The following ITIH3 variants were observed in gnomAD, a reference collection of about 807,000 sequenced individuals.
ITIH3 encodes the protein inter-alpha-trypsin inhibitor heavy chain H3.
A neutral mutation model predicts 96.5 loss-of-function variants in ITIH3; 81 were observed. The observed-to-expected ratio is 0.84, with a 90% CI of 0.70 to 1.01. The LOEUF (loss-of-function observed/expected upper bound fraction) is 1.01, where lower values mean the gene tolerates loss of function less well. Ranked by LOEUF, ITIH3 falls within the 50% of genes least tolerant of loss-of-function variation. ITIH3 has a pLI of 0.00. For synonymous variants in ITIH3, 422 were observed against 445.2 expected, an observed-to-expected ratio of 0.95 and a Z score of 0.66; for missense variants, 1,057 against 1,139.3, an observed-to-expected ratio of 0.93 and a Z score of 1.04.
chr3:52,806,876 T>C (rs954419065), intron 18 of ITIH3, 25 bp from the exon 19 acceptor site: 36 of 1,556,230 alleles, frequency 2.3e-5, no homozygotes, highest in Non-Finnish European at 3.0e-5. Context: ...CGCTGGTCTC[T>C]CTCCCTGCCC....
At chr3:52,795,177 G>A (rs1699527036) in intron 1 of ITIH3, among the ~76,000 whole-genome samples, 2 of 152,222 alleles carry the variant, frequency 1.3e-5, no homozygotes, top group African/African-American at 4.8e-5. Flanking sequence ...GGCAATGAAG[G>A]TTCAAGTCTC....
chr3:52,804,195 G>A (rs1435885238), intron 14 of ITIH3, 186 bp downstream of exon 14: 3 of 620,460 alleles, frequency 4.8e-6, no homozygotes, highest in Non-Finnish European at 5.6e-6. Context: ...TGGACAGTGG[G>A]GTGTGGGGTG....
Position 52,800,548 on chromosome 3 carries a change from C to A in ITIH3, c.1086C>A (p.Ile362=). Residue 362 remains isoleucine (I), a synonymous_variant, in exon 10 of 22, where the codon ATC becomes ATA. Coordinates refer to ENST00000449956, the MANE Select transcript of ITIH3 (RefSeq NM_002217.4). ...KSMEDKGMTN[I]NDGLLRGISM... ...CTGTCTGTGTCCCAGTGACCAACAT[C>A]AATGACGGGCTGCTGAGGGGCATCA... is the stretch of plus-strand genomic sequence containing the variant. The A allele has an allele frequency of 6.4e-7, 1 of 1,554,958 alleles. No homozygotes were observed. The highest frequency in any genetic ancestry group is 8.7e-7 in the Non-Finnish European group (1 of 1,148,820).
In ITIH3 at chr3:52,796,830, GC is replaced by G. The variant is rs762969628; in HGVS notation, c.375del (p.Gly126AlafsTer29). ...AAAGGCTGTGTCCCAGGGCAAGACGGCCGGCTTGGTCAAGTAAGTATGGACT... is the reference window on the plus strand; with the variant it reads ...AAAGGCTGTGTCCCAGGGCAAGACGGCGGCTTGGTCAAGTAAGTATGGACT... ...YEKAVSQGKT[A>X]GLVKASGRKL... On this transcript the variant is annotated frameshift_variant, in exon 4 of 22. Coordinates refer to ENST00000449956, the MANE Select transcript of ITIH3 (RefSeq NM_002217.4). LOFTEE classifies it high-confidence loss of function. 8 of 1,607,346 alleles carry G rather than the reference GC, an allele frequency of 5.0e-6. No individual in the cohort carries two copies. In the Admixed American group the frequency reaches 1.4e-4, roughly 27 times the overall value.
chr3:52,796,832 C>T lies in ITIH3; in HGVS notation c.375C>T (p.Ala125=), dbSNP rs368535489. The stretch of plus-strand genomic sequence containing the variant: ...AGGCTGTGTCCCAGGGCAAGACGGC[C>T]GGCTTGGTCAAGTAAGTATGGACTC... The part of the protein sequence containing the change: ...YEKAVSQGKT[A]GLVKASGRKL... Residue 125 remains alanine, a synonymous_variant, in exon 4 of 22, where the codon GCC becomes GCT. Transcript: ENST00000449956. 151 of 1,606,418 alleles carry T rather than the reference C, an allele frequency of 9.4e-5. No homozygotes were observed. The African/African-American group carries it at 1.7e-3, about 18-fold the overall frequency.
chr3:52,805,488 G>C, intron 15 of ITIH3: 1 of 1,155,452 alleles, frequency 8.7e-7, no homozygotes, highest in Non-Finnish European at 1.1e-6. Context: ...CAACTAGGGG[G>C]TGGGAAGCCC....
In ITIH3 at chr3:52,808,771, G is replaced by A. The variant is rs1053467053; in HGVS notation, c.*90G>A. On this transcript the variant is annotated 3_prime_UTR_variant, in exon 22 of 22. Transcript: ENST00000449956. ...AGAGAGGGGCCTGTGGGAGGGGCTG[G>A]GAAAATAAAGTCCAAGGTCGAGACC... is the stretch of plus-strand genomic sequence containing the variant. The A allele has an allele frequency of 2.7e-5, 41 of 1,507,364 alleles. No homozygotes were observed. In the African/African-American group the frequency reaches 4.3e-4, roughly 16 times the overall value. 93.4% of individuals were successfully genotyped at this position (1,507,364 alleles called of 1,614,324 possible).
At position 52,797,967 on chromosome 3, in the gene ITIH3, G is replaced by A. The variant is rs772665013; in HGVS notation, c.663+37G>A. 1.3e-5 allele frequency: 16 copies of A among 1,276,260 alleles called. No homozygotes were observed. In the African/African-American group the frequency reaches 2.2e-4, roughly 18 times the overall value. The allele number at this position is 1,276,260 out of a possible 1,614,324, so 79.1% of individuals were successfully genotyped here. On this transcript the variant is annotated intron_variant, in intron 6 of 21. Transcript: ENST00000449956. ...GCCTCTCAGACCTGGTGGGGCAGGG[G>A]ACAGGAATACTGACTCCAGCAGAAC...
rs772884997 is a variant in ITIH3, at chr3:52,796,578, C to G, written c.212C>G (p.Ala71Gly). 6.2e-7 allele frequency: 1 copy of G among 1,613,428 alleles called. No individual in the cohort carries two copies. The highest frequency in any genetic ancestry group is 8.5e-7 in the Non-Finnish European group (1 of 1,179,648). Residue 71 changes from alanine to glycine, a missense_variant, in exon 3 of 22, where the codon GCA becomes GGA. By Grantham distance (60) the Ala-to-Gly change is moderately conservative. Transcript: ENST00000449956. ...GTCACCATGAGAGCCGTCAACCGTGCAGACACGGCCAAGGAGGTTTCCTTT... is the reference window on the plus strand; with the variant it reads ...GTCACCATGAGAGCCGTCAACCGTGGAGACACGGCCAAGGAGGTTTCCTTT... ...NVVTMRAVNR[A>G]DTAKEVSFDV...
In ITIH3 at chr3:52,808,711, T is replaced by C. The variant is rs1397280519; in HGVS notation, c.*30T>C. On this transcript the variant is annotated 3_prime_UTR_variant, in exon 22 of 22. Coordinates refer to ENST00000449956, the MANE Select transcript of ITIH3 (RefSeq NM_002217.4). ...ACACACCAGCTCCTGTTGGGATGGA[T>C]GGCCCGGATTTTATGGCATCTGGAA... The C allele has an allele frequency of 6.3e-7, 1 of 1,590,516 alleles. No homozygotes were observed. The highest frequency in any genetic ancestry group is 2.3e-5 in the East Asian group (1 of 44,216).
chr3:52,803,324 TA>T (rs1458056524), intron 13 of ITIH3, among the ~76,000 whole-genome samples: 4 of 110,940 alleles, frequency 3.6e-5, no homozygotes, highest in African/African-American at 6.2e-5. Context: ...TTATTATTAT[TA>T]TTTTTTTTTT....
Position 52,800,592 on chromosome 3 carries a change from G to A in ITIH3, c.1130G>A (p.Arg377Gln), listed in dbSNP as rs146731697. ...GGCATCAGTATGCTGAACAAGGCCC[G>A]AGAGGAGCACAGAATCCCAGAGAGG... ...LRGISMLNKAREEHRIPERST... is the reference protein window; with the variant it reads ...LRGISMLNKAQEEHRIPERST... The change falls in exon 10 of 22, where the codon CGA becomes CAA. Residue 377 changes from arginine (R) to glutamine (Q), a missense_variant. Coordinates refer to ENST00000449956, the MANE Select transcript of ITIH3 (RefSeq NM_002217.4). 0.012 allele frequency: 18,797 copies of A among 1,572,704 alleles called. 160 individuals carry two copies. Among genetic ancestry groups the A allele is most frequent in the Middle Eastern group, 0.034 (202 of 6,014 alleles).
chr3:52,805,020 C>T, intron 15 of ITIH3: 1 of 452,014 alleles, frequency 2.2e-6, no homozygotes, highest in Non-Finnish European at 4.1e-6. Context: ...ATTTATACTT[C>T]ATTAGTCCCA....
chr3:52,805,777 C>T (rs923963452), intron 15 of ITIH3, 31 bp from the exon 16 acceptor site: 22 of 1,613,542 alleles, frequency 1.4e-5, no homozygotes, highest in Non-Finnish European at 1.8e-5. Context: ...AACCCCTAGA[C>T]CCTGCTCACC....
intron 7 of ITIH3, 55 bp from the exon 8 acceptor site, chr3:52,799,317 T>A: frequency 7.4e-7 from 1 of 1,347,880 alleles, no homozygotes; most frequent in Non-Finnish European, 1.0e-6. Context: ...GCAAGAATAG[T>A]CAATGTGGTG....
At chr3:52,800,462 C>T (rs1699781852) in intron 9 of ITIH3, 76 bp from the exon 10 acceptor site, 2 of 1,526,504 alleles carry the variant, frequency 1.3e-6, no homozygotes, top group Admixed American at 4.0e-5. Context: ...GCTGTCCCGG[C>T]CTCCTCCGCT....
intron 9 of ITIH3, 133 bp downstream of exon 9, chr3:52,800,054 G>C (rs1227273445): frequency 2.5e-6 from 2 of 788,478 alleles, no homozygotes; most frequent in Non-Finnish European, 4.0e-6. Flanking sequence ...AGAGGTGGGA[G>C]TGGATGGTCC....
chr3:52,800,434 G>A (rs1166686269), intron 9 of ITIH3, 104 bp from the exon 10 acceptor site: 17 of 1,407,634 alleles, frequency 1.2e-5, no homozygotes, highest in Non-Finnish European at 1.5e-5. Context: ...AGGGTCCTTG[G>A]GCACATGAGT....
intron 11 of ITIH3, among the ~76,000 whole-genome samples, chr3:52,801,847 T>C (rs1699841995): frequency 6.6e-6 from 1 of 152,242 alleles, no homozygotes; most frequent in African/African-American, 2.4e-5. Context: ...TCAATGTAGC[T>C]GCACGTCCTG....
Sources: allele counts gnomAD v4.1 joint callset (sites outside exome capture counted in the v4.1 genomes callset), GRCh38; gene constraint gnomAD v4.1.1; transcripts MANE v1.5; gene names NCBI Gene and HGNC (gene_info 2026-07-23, HGNC 2026-07-21).